The following SHROOM2 variants were observed in gnomAD, a reference collection of about 807,000 sequenced individuals.
SHROOM2 encodes the protein protein Shroom2.
A neutral mutation model predicts 75.9 loss-of-function variants in SHROOM2; 33 were observed. The observed-to-expected ratio is 0.43, with a 90% CI of 0.33 to 0.58. SHROOM2 has a LOEUF of 0.58. Ranked by LOEUF, SHROOM2 falls within the 20% of genes least tolerant of loss-of-function variation. The pLI is 0.04. For missense variants in SHROOM2, 1,434 were observed against 1,461.2 expected (o/e 0.98, Z 0.30); for synonymous variants, 655 against 663.6 (o/e 0.99, Z 0.20).
chrX:9,932,815 C>G lies in SHROOM2; in HGVS notation c.3532C>G (p.Pro1178Ala). The G allele has an allele frequency of 8.3e-7, 1 of 1,206,216 alleles. No homozygotes were observed. The highest frequency in any genetic ancestry group is 1.1e-6 in the Non-Finnish European group (1 of 894,448). ...TSRSPSPQFAPQKLTDKPPLL... is the reference protein window; with the variant it reads ...TSRSPSPQFAAQKLTDKPPLL... ...GCGCTCCCCCTCGCCCCAGTTCGCC[C>G]CCCAGAAACTGACGGACAAACCTCC... The change falls in exon 6 of 10, where the codon CCC becomes GCC. Residue 1178 changes from proline to alanine, a missense_variant. This residue lies in a region of SHROOM2 where 1,340 missense variants were observed against 1,338.3 expected (regional missense o/e 1.00). Coordinates refer to ENST00000380913, the MANE Select transcript of SHROOM2 (RefSeq NM_001649.4).
chrX:9,856,024 CTTTTTT>C (rs35234850), intron 1 of SHROOM2, among the ~76,000 whole-genome samples: 87 of 84,273 alleles, frequency 1.0e-3, no homozygotes, highest in Admixed American at 8.6e-3. Flanking sequence ...AGAATGTTTC[CTTTTTT>C]TTTTTTTTTT....
chrX:9,815,606 A>ATCTATATCT (rs201276026), intron 1 of SHROOM2, among the ~76,000 whole-genome samples: 1 of 108,311 alleles, frequency 9.2e-6, no homozygotes, highest in Non-Finnish European at 1.9e-5. Flanking sequence ...CTATATCTAT[A>ATCTATATCT]AAGGGGAGTT....
rs779076564 is a variant in SHROOM2 at position 9,921,268 on chromosome X, G to A, written c.2892-10907G>A. ...GATCTGGTCTCAGAAGTCACACATC[G>A]GCACTTCTGCCATACATTTTTAAAC... On this transcript the variant is annotated intron_variant, in intron 5 of 9. Transcript: ENST00000380913. Among the ~76,000 whole-genome samples the A allele has an allele frequency of 1.2e-4, 13 of 111,988 alleles. No homozygotes were observed. In the South Asian group the frequency reaches 4.4e-3, roughly 38 times the overall value.
intron 1 of SHROOM2, among the ~76,000 whole-genome samples, chrX:9,873,052 C>G (rs1176151015): frequency 8.9e-6 from 1 of 111,946 alleles, no homozygotes; most frequent in African/African-American, 3.3e-5. Context: ...TTGTATTACT[C>G]CATTTATGTG....
chrX:9,899,176 C>T (rs898199827), intron 5 of SHROOM2, among the ~76,000 whole-genome samples: 7 of 110,190 alleles, frequency 6.4e-5, no homozygotes, highest in Non-Finnish European at 9.5e-5. Flanking sequence ...GCACGAGAAT[C>T]GCTTGAACCT....
intron 1 of SHROOM2, among the ~76,000 whole-genome samples, chrX:9,839,096 A>G (rs2083965630): frequency 9.0e-6 from 1 of 111,546 alleles, no homozygotes. Context: ...AAATTTCACC[A>G]GGTGGCACTG....
intron 1 of SHROOM2, among the ~76,000 whole-genome samples, chrX:9,826,320 A>G (rs961676491): frequency 8.9e-5 from 10 of 112,534 alleles, no homozygotes; most frequent in Non-Finnish European, 1.9e-4. Flanking sequence ...CTCGGATGAC[A>G]CAGGTGGGAG....
chrX:9,902,943 G>A (rs2084372430), intron 5 of SHROOM2, among the ~76,000 whole-genome samples: 1 of 111,841 alleles, frequency 8.9e-6, no homozygotes. Context: ...GGGAGGGGAG[G>A]CAAAGAAAGA....
At chrX:9,849,959 C>G (rs1601944195) in intron 1 of SHROOM2, among the ~76,000 whole-genome samples, 1 of 112,298 alleles carries the variant, frequency 8.9e-6, no homozygotes, top group Non-Finnish European at 1.9e-5. Flanking sequence ...GAGCAGGTAC[C>G]TCTCAGATAC....
In SHROOM2 at chrX:9,929,378, C is replaced by T. The variant is rs181990596; in HGVS notation, c.2892-2797C>T. The stretch of plus-strand genomic sequence containing the variant: ...AGCGCGCCCCGTGCTGCACTTCTGG[C>T]GTGGGAAGTGACGATGCAGCACACA... On this transcript the variant is annotated intron_variant, in intron 5 of 9. Transcript: ENST00000380913. 2.8e-3 allele frequency among the ~76,000 whole-genome samples: 309 copies of T among 112,131 alleles called. 1 individual carries two copies. Among genetic ancestry groups the T allele is most frequent in the African/African-American group, 9.4e-3 (289 of 30,880 alleles).
At chrX:9,905,856 G>A (rs962461487) in intron 5 of SHROOM2, among the ~76,000 whole-genome samples, 14 of 111,558 alleles carry the variant, frequency 1.3e-4, no homozygotes, top group Non-Finnish European at 1.9e-5. Flanking sequence ...CATGGATGAG[G>A]GACAGGAAGA....
In SHROOM2 at chrX:9,932,385, C is replaced by T; in HGVS notation, c.3102C>T (p.Ala1034=). The T allele has an allele frequency of 8.3e-7, 1 of 1,209,268 alleles. No individual in the cohort carries two copies. Reference sequence around the variant, plus strand: ...CCCCAGCAGACTTGGGACCCCGAGCCCAGAGCCCTGGCTCACCCCTGCATG... The same window carrying T: ...CCCCAGCAGACTTGGGACCCCGAGCTCAGAGCCCTGGCTCACCCCTGCATG... ...ESTPADLGPR[A]QSPGSPLHAR... Residue 1034 remains alanine (A), a synonymous_variant, in exon 6 of 10, where the codon GCC becomes GCT. Transcript: ENST00000380913.
chrX:9,917,382 C>A (rs1202621692), intron 5 of SHROOM2, among the ~76,000 whole-genome samples: 2 of 109,070 alleles, frequency 1.8e-5, no homozygotes, highest in African/African-American at 3.6e-5. Context: ...TGAGACACTT[C>A]TAAACATTTC....
At position 9,786,576 on chromosome X, in the gene SHROOM2, G is replaced by A; in HGVS notation, c.31G>A (p.Glu11Lys). Residue 11 changes from glutamate (E) to lysine (K), a missense_variant, in exon 1 of 10, where the codon GAG becomes AAG. By Grantham distance (56) the Glu-to-Lys change is moderately conservative. Coordinates refer to ENST00000380913, the MANE Select transcript of SHROOM2 (RefSeq NM_001649.4). MEGAEPRARP[E>K]RLAEAETRAA... is the part of the protein sequence containing the mutation. The stretch of plus-strand genomic sequence containing the variant: ...GGGCGCCGAGCCCCGCGCGCGGCCC[G>A]AGCGCCTGGCCGAGGCCGAGACGCG... 1.2e-6 allele frequency: 1 copy of A among 863,227 alleles called. No individual in the cohort carries two copies. The highest frequency in any genetic ancestry group is 6.2e-5 in the East Asian group (1 of 16,219). The allele number at this position is 863,227 out of a possible 1,213,427, so 71.1% of individuals were successfully genotyped here.
intron 1 of SHROOM2, among the ~76,000 whole-genome samples, chrX:9,859,873 A>C (rs1323517940): frequency 9.0e-6 from 1 of 110,918 alleles, no homozygotes; most frequent in Non-Finnish European, 1.9e-5. Flanking sequence ...TAGAGGCGAG[A>C]GAGAAGATGA....
intron 1 of SHROOM2, among the ~76,000 whole-genome samples, chrX:9,799,053 A>G (rs2083709032): frequency 9.1e-6 from 1 of 110,259 alleles, no homozygotes; most frequent in African/African-American, 3.3e-5. Flanking sequence ...AACTTGTACC[A>G]CTATTCATGG....
At chrX:9,828,380 A>T (rs914967061) in intron 1 of SHROOM2, among the ~76,000 whole-genome samples, 3 of 112,277 alleles carry the variant, frequency 2.7e-5, no homozygotes, top group African/African-American at 9.7e-5. Context: ...TTCTGATCAT[A>T]GGCTGGTGCT....
intron 1 of SHROOM2, among the ~76,000 whole-genome samples, chrX:9,850,669 G>A (rs753702540): frequency 9.1e-6 from 1 of 109,934 alleles, no homozygotes; most frequent in African/African-American, 3.3e-5. Context: ...GTGAGATCTC[G>A]TCTCTGCAAA....
intron 1 of SHROOM2, among the ~76,000 whole-genome samples, chrX:9,789,345 C>T (rs747067522): frequency 2.7e-5 from 3 of 111,194 alleles, no homozygotes; most frequent in East Asian, 5.7e-4. Flanking sequence ...GCAGAACCTC[C>T]GCTGACAGAT....
Sources: allele counts gnomAD v4.1 joint callset (sites outside exome capture counted in the v4.1 genomes callset), GRCh38; gene constraint gnomAD v4.1.1; regional missense constraint gnomAD v4.1.1; transcripts MANE v1.5; gene names NCBI Gene and HGNC (gene_info 2026-07-23, HGNC 2026-07-21).